EFCAB5: variants seen among roughly 807,000 people sequenced by gnomAD.
The protein encoded by EFCAB5 is EF-hand calcium binding domain 5.
In EFCAB5, 131 loss-of-function variants were observed where a neutral mutation model predicts 167.9. That is an observed-to-expected ratio of 0.78 (90% CI 0.68 to 0.90). EFCAB5 has a LOEUF of 0.90. Among genes scored for constraint, EFCAB5 ranks in the 40% least tolerant of loss-of-function variants. The pLI, the probability that EFCAB5 is intolerant of heterozygous loss-of-function variation, is 0.00. For missense variants in EFCAB5, 1,663 were observed against 1,745.2 expected (o/e 0.95, Z 0.84); for synonymous variants, 574 against 602.8 (o/e 0.95, Z 0.70).
intron 8 of EFCAB5, among the ~76,000 whole-genome samples, chr17:30,038,469 G>A (rs1028514086): frequency 2.3e-4 from 35 of 152,296 alleles, no homozygotes; most frequent in African/African-American, 8.4e-4. Flanking sequence ...GATGCGCCTG[G>A]TTAACCAAGA....
intron 8 of EFCAB5, among the ~76,000 whole-genome samples, chr17:30,035,659 G>A (rs141352366): frequency 6.6e-6 from 1 of 152,210 alleles, no homozygotes; most frequent in African/African-American, 2.4e-5. Context: ...AATTATGTGG[G>A]GAGTCTTATA....
intron 7 of EFCAB5, among the ~76,000 whole-genome samples, chr17:30,003,175 C>T (rs2068700855): frequency 6.6e-6 from 1 of 151,528 alleles, no homozygotes; most frequent in South Asian, 2.1e-4. Context: ...TGATTCCTTC[C>T]TCTGTCTTTT....
rs116701911 is a variant in EFCAB5, at chr17:30,007,756, G to T, written c.1044+7780G>T. Among the ~76,000 whole-genome samples the T allele has an allele frequency of 7.2e-3, 1,091 of 152,294 alleles. 15 individuals are homozygous for T. Among genetic ancestry groups the T allele is most frequent in the African/African-American group, 0.022 (934 of 41,576 alleles). On this transcript the variant is annotated intron_variant, in intron 7 of 22. Coordinates refer to ENST00000394835, the MANE Select transcript of EFCAB5 (RefSeq NM_198529.4). The stretch of plus-strand genomic sequence containing the variant: ...TATACCACCATTTTGGAAGGCCAAG[G>T]CTGGAGGATCGCTTGAGCCTAGGAG...
intron 22 of EFCAB5, among the ~76,000 whole-genome samples, chr17:30,101,837 T>C (rs2071386787): frequency 6.6e-6 from 1 of 152,202 alleles, no homozygotes; most frequent in Non-Finnish European, 1.5e-5. Flanking sequence ...AAGTTGACAA[T>C]GTTGAAGACA....
chr17:29,984,608 C>T (rs1043306123), intron 4 of EFCAB5, among the ~76,000 whole-genome samples: 2 of 152,014 alleles, frequency 1.3e-5, no homozygotes, highest in Admixed American at 6.6e-5. Context: ...ATCCCAGCTA[C>T]TTGGGAGGCT....
Position 30,090,620 on chromosome 17 carries a change from T to C in EFCAB5, c.3883T>C (p.Cys1295Arg). ...QKMMKVVQVA[C>R]YEILGEFSGE... ...AATGATGAAAGTGGTCCAAGTGGCC[T>C]GCTATGAAATACTTGGCGAGTTCTC... The change falls in exon 20 of 23, where the codon TGC (cysteine) becomes CGC (arginine). Residue 1295 changes from cysteine to arginine, a missense_variant. Cys to Arg is a radical substitution (Grantham distance 180). Coordinates refer to ENST00000394835, the MANE Select transcript of EFCAB5 (RefSeq NM_198529.4). 2 of 1,613,962 alleles carry C rather than the reference T, an allele frequency of 1.2e-6. No homozygotes were observed. Among genetic ancestry groups the C allele is most frequent in the Non-Finnish European group, 1.7e-6 (2 of 1,179,898 alleles).
Position 30,053,698 on chromosome 17 carries a change from T to C in EFCAB5, c.1744T>C (p.Ser582Pro), listed in dbSNP as rs2070169256. The change falls in exon 10 of 23, where the codon TCA becomes CCA. Residue 582 changes from serine to proline, a missense_variant. Physicochemically the swap from Ser to Pro is moderately conservative, Grantham distance 74. Transcript: ENST00000394835. ...STTEQGQHKG[S>P]IEGQGPRRVS... ...TACAGAACAAGGACAGCACAAAGGG[T>C]CAATAGAAGGACAAGGACCACGCAG... The C allele has an allele frequency of 1.9e-6, 3 of 1,613,524 alleles. No individual in the cohort carries two copies. In the African/African-American group the frequency reaches 4.0e-5, roughly 22 times the overall value.
chr17:30,051,367 A>G (rs2070092833), intron 9 of EFCAB5, 150 bp downstream of exon 9: 2 of 606,284 alleles, frequency 3.3e-6, no homozygotes, highest in Non-Finnish European at 5.5e-6. Flanking sequence ...TGATAACTGT[A>G]TCTAGTTGTT....
At chr17:29,932,894 T>A (rs1427026775) in intron 1 of EFCAB5, among the ~76,000 whole-genome samples, 2 of 152,180 alleles carry the variant, frequency 1.3e-5, no homozygotes, top group East Asian at 3.9e-4. Flanking sequence ...GATGACAAAA[T>A]TCACATTGTT....
chr17:29,963,320 C>T lies in EFCAB5; in HGVS notation c.191-5471C>T, dbSNP rs9913049. Among the ~76,000 whole-genome samples, 966 of 152,098 alleles carry T rather than the reference C, an allele frequency of 6.4e-3. 5 individuals are homozygous for T. The highest frequency in any genetic ancestry group is 0.022 in the African/African-American group (928 of 41,496). On this transcript the variant is annotated intron_variant, in intron 3 of 22. Coordinates refer to ENST00000394835, the MANE Select transcript of EFCAB5 (RefSeq NM_198529.4). ...TATGCATTGATTATGTGGCTTTTTTCCCCTTCATTTTATGAATGTAATGGA... is the reference window on the plus strand; with the variant it reads ...TATGCATTGATTATGTGGCTTTTTTTCCCTTCATTTTATGAATGTAATGGA...
At position 30,027,652 on chromosome 17, in the gene EFCAB5, G is replaced by A. The variant is rs551455871; in HGVS notation, c.1045-6578G>A. On this transcript the variant is annotated intron_variant, in intron 7 of 22. Transcript: ENST00000394835. ...ATAGGGTGTCAAGCCATCCTGGCTT[G>A]CCTGGGACTGAGGAGTTTTCTGGAA... Among the ~76,000 whole-genome samples, 5 of 152,176 alleles carry A rather than the reference G, an allele frequency of 3.3e-5. No homozygotes were observed. The East Asian group carries it at 9.7e-4, about 30-fold the overall frequency.
intron 4 of EFCAB5, among the ~76,000 whole-genome samples, chr17:29,975,552 T>TG (rs1231146568): frequency 6.6e-6 from 1 of 152,162 alleles, no homozygotes; most frequent in Non-Finnish European, 1.5e-5. Context: ...CCACCACACC[T>TG]GGCCCACCTA....
intron 7 of EFCAB5, among the ~76,000 whole-genome samples, chr17:30,031,279 C>G (rs985691552): frequency 2.6e-5 from 4 of 152,258 alleles, no homozygotes; most frequent in South Asian, 2.1e-4. Flanking sequence ...TTGGGCCCTA[C>G]TCCCAGAATT....
intron 19 of EFCAB5, among the ~76,000 whole-genome samples, chr17:30,089,696 T>C (rs550334927): frequency 2.2e-4 from 34 of 152,216 alleles, no homozygotes; most frequent in African/African-American, 7.2e-4. Flanking sequence ...CCTTGAGCGA[T>C]TGGAGCTCTT....
rs974599301 is a variant in EFCAB5, at chr17:30,011,264, C to T, written c.1044+11288C>T. ...GATGCCTCCAGCTTTGTTCTTTTGGCTTAGGATTGTCTTGGCGATGCAGGC... is the reference window on the plus strand; with the variant it reads ...GATGCCTCCAGCTTTGTTCTTTTGGTTTAGGATTGTCTTGGCGATGCAGGC... On this transcript the variant is annotated intron_variant, in intron 7 of 22. Transcript: ENST00000394835. Among the ~76,000 whole-genome samples the T allele has an allele frequency of 5.3e-5, 8 of 152,260 alleles. No homozygotes were observed. In the South Asian group the frequency reaches 8.3e-4, roughly 16 times the overall value.
intron 19 of EFCAB5, 45 bp from the exon 20 acceptor site, chr17:30,090,372 GAACA>G: frequency 1.3e-6 from 2 of 1,591,048 alleles, no homozygotes; most frequent in Non-Finnish European, 1.7e-6. Flanking sequence ...GGAATGATGT[GAACA>G]GACAGATGTT....
chr17:30,012,511 G>GC (rs1268914251), intron 7 of EFCAB5, among the ~76,000 whole-genome samples: 1 of 152,098 alleles, frequency 6.6e-6, no homozygotes, highest in African/African-American at 2.4e-5. Flanking sequence ...GCAGGGAAGG[G>GC]CCCCCTGTCC....
intron 22 of EFCAB5, among the ~76,000 whole-genome samples, chr17:30,097,745 TTTTG>T (rs1478695871): frequency 6.6e-6 from 1 of 152,250 alleles, no homozygotes; most frequent in African/African-American, 2.4e-5. Context: ...TCCTCATTTT[TTTTG>T]TTTTTCCTGA....
At chr17:29,969,983 ACTTTT>A (rs921348101) in intron 4 of EFCAB5, among the ~76,000 whole-genome samples, 15 of 152,056 alleles carry the variant, frequency 9.9e-5, no homozygotes, top group African/African-American at 2.9e-4. Flanking sequence ...GTCAAATTTA[ACTTTT>A]CTTTTATGGC....
Sources: allele counts gnomAD v4.1 joint callset (sites outside exome capture counted in the v4.1 genomes callset), GRCh38; gene constraint gnomAD v4.1.1; transcripts MANE v1.5; gene names NCBI Gene and HGNC (gene_info 2026-07-23, HGNC 2026-07-21).